Variants in GABRG3 observed in about 807,000 individuals in gnomAD.
GABRG3 encodes gamma-aminobutyric acid receptor subunit gamma-3.
Under a neutral mutation model 48.8 loss-of-function variants are expected in GABRG3, and 25 were observed. The ratio of observed to expected loss-of-function variants is 0.51; its 90% CI spans 0.37 to 0.72. The LOEUF is 0.72. GABRG3 is among the 30% of genes least tolerant of loss of function. The pLI is 0.00. For missense variants in GABRG3, 394 were observed against 577.9 expected (o/e 0.68, Z 3.26); for synonymous variants, 227 against 217.6 (o/e 1.04, Z -0.38).
chr15:27,388,297 A>G (rs374711397), intron 5 of GABRG3, among the ~76,000 whole-genome samples: 835 of 31,308 alleles, frequency 0.027, 111 homozygotes, highest in Middle Eastern at 0.031. Flanking sequence ...GGAAGAAAAG[A>G]AGGAAGGAAA....
intron 2 of GABRG3, among the ~76,000 whole-genome samples, chr15:27,011,246 T>G (rs920999984): frequency 6.6e-6 from 1 of 152,332 alleles, no homozygotes; most frequent in South Asian, 2.1e-4. Flanking sequence ...CTTAGGACTT[T>G]CAGAAATGTT....
chr15:27,387,214 G>A (rs80304918), intron 5 of GABRG3, among the ~76,000 whole-genome samples: 8,167 of 151,318 alleles, frequency 0.054, 271 homozygotes, highest in Middle Eastern at 0.13. Context: ...ATCTCTCGGT[G>A]TTGATGTCTG....
At chr15:27,363,038 A>G (rs536375949) in intron 5 of GABRG3, 8 of 152,206 alleles carry the variant, frequency 5.3e-5, no homozygotes, top group Non-Finnish European at 8.8e-5. Flanking sequence ...AGGGCTTAGA[A>G]ACTGGTACAT....
rs149574691 is a variant in GABRG3 at position 27,134,892 on chromosome 15, C to G, written c.270+108071C>G. Among the ~76,000 whole-genome samples the G allele has an allele frequency of 3.0e-4, 45 of 152,308 alleles. No homozygotes were observed. The East Asian group carries it at 6.8e-3, about 23-fold the overall frequency. On this transcript the variant is annotated intron_variant, in intron 3 of 9. Coordinates refer to ENST00000615808, the MANE Select transcript of GABRG3 (RefSeq NM_033223.5). ...GATCCTTCCTGGAGCTTCTGTGTTG[C>G]ACTTCCAAATCTTACAGGGCTGGTC...
intron 3 of GABRG3, among the ~76,000 whole-genome samples, chr15:27,291,972 C>G (rs540699941): frequency 2.6e-5 from 4 of 152,272 alleles, no homozygotes; most frequent in African/African-American, 7.2e-5. Context: ...CAGGTTACCT[C>G]CCCATAATTG....
At chr15:27,298,459 C>T (rs750135140) in intron 3 of GABRG3, among the ~76,000 whole-genome samples, 14 of 151,920 alleles carry the variant, frequency 9.2e-5, no homozygotes, top group Middle Eastern at 6.8e-3. Context: ...ATCCATATGT[C>T]GCAAGAGAAA....
At chr15:27,313,270 A>ATATATG (rs1893081334) in intron 3 of GABRG3, among the ~76,000 whole-genome samples, 1 of 47,092 alleles carries the variant, frequency 2.1e-5, no homozygotes, top group African/African-American at 1.2e-4. Context: ...GTGTATATAT[A>ATATATG]TATATATATA....
chr15:26,975,536 A>G lies in GABRG3; in HGVS notation c.54-1466A>G, dbSNP rs915613871. On this transcript the variant is annotated intron_variant, in intron 1 of 9. Coordinates refer to ENST00000615808, the MANE Select transcript of GABRG3 (RefSeq NM_033223.5). The surrounding 1 kb of genome is among the most constrained non-coding windows in gnomAD (Gnocchi z 4.6). ...TACAGGTGTAGACTATCTGGCCAAC[A>G]CTCTAGTCTACGTTATGGCTAGTTA... 6.6e-6 allele frequency among the ~76,000 whole-genome samples: 1 copy of G among 152,020 alleles called. No homozygotes were observed.
chr15:27,295,373 C>T (rs897012495), intron 3 of GABRG3, among the ~76,000 whole-genome samples: 1 of 152,076 alleles, frequency 6.6e-6, no homozygotes, highest in Admixed American at 6.6e-5. Flanking sequence ...TTTGCTAGAC[C>T]TCAACTCTCC....
chr15:27,001,724 T>C (rs1314385991), intron 2 of GABRG3, among the ~76,000 whole-genome samples: 1 of 152,170 alleles, frequency 6.6e-6, no homozygotes, highest in East Asian at 1.9e-4. Context: ...AAGCCACTGC[T>C]AGGTTGTGGA....
chr15:27,075,276 C>T (rs1032390949), intron 3 of GABRG3, among the ~76,000 whole-genome samples: 1 of 152,118 alleles, frequency 6.6e-6, no homozygotes, highest in Non-Finnish European at 1.5e-5. Context: ...AATTTTAAGA[C>T]ATATTGAAGC....
rs1221105418 is a variant in GABRG3 at position 26,975,024 on chromosome 15, C to T, written c.54-1978C>T. 6.6e-6 allele frequency among the ~76,000 whole-genome samples: 1 copy of T among 151,786 alleles called. No homozygotes were observed. The highest frequency in any genetic ancestry group is 2.4e-5 in the African/African-American group (1 of 41,340). ...GAATAGCCAGGACTACAGGCATGTGCCACCATGCCCCGCTAATTTTTTTTG... is the reference window on the plus strand; with the variant it reads ...GAATAGCCAGGACTACAGGCATGTGTCACCATGCCCCGCTAATTTTTTTTG... On this transcript the variant is annotated intron_variant, in intron 1 of 9. Transcript: ENST00000615808. This position sits in a 1 kb window ranked among gnomAD's most constrained non-coding sequence, Gnocchi z 4.6.
At chr15:27,282,710 C>A (rs1891476225) in intron 3 of GABRG3, among the ~76,000 whole-genome samples, 1 of 152,214 alleles carries the variant, frequency 6.6e-6, no homozygotes, top group African/African-American at 2.4e-5. Flanking sequence ...AATGTCTTGT[C>A]ATCTGGTTGT....
At chr15:27,498,121 T>A (rs935489413) in intron 6 of GABRG3, among the ~76,000 whole-genome samples, 9 of 152,204 alleles carry the variant, frequency 5.9e-5, no homozygotes, top group African/African-American at 2.2e-4. Flanking sequence ...TCTTGATTTG[T>A]CATATATGTG....
intron 3 of GABRG3, among the ~76,000 whole-genome samples, chr15:27,320,972 G>A (rs68042334): frequency 0.057 from 8,658 of 152,256 alleles, 362 homozygotes; most frequent in African/African-American, 0.11. Flanking sequence ...GCAACAGGGC[G>A]TCACCCCCTG....
At chr15:26,979,913 G>A (rs1002968601) in intron 2 of GABRG3, among the ~76,000 whole-genome samples, 1 of 152,142 alleles carries the variant, frequency 6.6e-6, no homozygotes, top group Non-Finnish European at 1.5e-5. Context: ...TTATATAAGG[G>A]TTTGTGTTAA....
At chr15:27,287,825 G>A (rs8033400) in intron 3 of GABRG3, among the ~76,000 whole-genome samples, 5 of 146,860 alleles carry the variant, frequency 3.4e-5, no homozygotes, top group South Asian at 2.2e-4. Context: ...TGCAAGCTCC[G>A]CCTCCTGGGT....
Position 27,352,292 on chromosome 15 carries a change from C to A in GABRG3, c.574+23404C>A, listed in dbSNP as rs1014175274. On this transcript the variant is annotated intron_variant, in intron 5 of 9. Transcript: ENST00000615808. The surrounding 1 kb of genome is among the most constrained non-coding windows in gnomAD (Gnocchi z 4.0). ...CACTGTTCACAGCGTAAATCCAGAC[C>A]CATAGTGAGAGGAAGAGGACCCAGG... Among the ~76,000 whole-genome samples the A allele has an allele frequency of 1.5e-4, 23 of 151,758 alleles. No individual in the cohort carries two copies. The highest frequency in any genetic ancestry group is 3.4e-4 in the Non-Finnish European group (23 of 67,962).
At position 27,220,524 on chromosome 15, in the gene GABRG3, G is replaced by A. The variant is rs912686104; in HGVS notation, c.271-106285G>A. On this transcript the variant is annotated intron_variant, in intron 3 of 9. Coordinates refer to ENST00000615808, the MANE Select transcript of GABRG3 (RefSeq NM_033223.5). The stretch of plus-strand genomic sequence containing the variant: ...CAGGAAGAAATTTAGAACAAAGAAC[G>A]TGGTCAGAATTCAGTCCCGTTTCCC... 4.5e-4 allele frequency among the ~76,000 whole-genome samples: 69 copies of A among 152,282 alleles called. 1 individual carries two copies. Among genetic ancestry groups the A allele is most frequent in the African/African-American group, 1.3e-3 (53 of 41,558 alleles).
Sources: allele counts gnomAD v4.1 joint callset (sites outside exome capture counted in the v4.1 genomes callset), GRCh38; gene constraint gnomAD v4.1.1; non-coding constraint Gnocchi (gnomAD v3.1); transcripts MANE v1.5; gene names NCBI Gene and HGNC (gene_info 2026-07-23, HGNC 2026-07-21).